Variants in DCP1A observed in about 807,000 individuals in gnomAD.
The protein encoded by DCP1A is mRNA-decapping enzyme 1A.
DCP1A carries 20 observed loss-of-function variants against 58.0 expected under a neutral mutation model. The ratio of observed to expected loss-of-function variants is 0.34; its 90% CI spans 0.24 to 0.50. The LOEUF (loss-of-function observed/expected upper bound fraction) is 0.50. Among genes scored for constraint, DCP1A ranks in the 20% least tolerant of loss-of-function variants. The pLI is 0.98. For synonymous variants in DCP1A, 285 were observed against 275.1 expected (o/e 1.04, Z -0.36); for missense variants, 613 against 712.2 (o/e 0.86, Z 1.59).
At chr3:53,322,476 T>C (rs1553690104) in intron 3 of DCP1A, among the ~76,000 whole-genome samples, 3 of 151,384 alleles carry the variant, frequency 2.0e-5, no homozygotes, top group South Asian at 2.1e-4. Context: ...ATTATATATA[T>C]ATATATGTAT....
chr3:53,326,551 C>T (rs553744231), intron 3 of DCP1A, among the ~76,000 whole-genome samples: 28 of 152,352 alleles, frequency 1.8e-4, no homozygotes, highest in African/African-American at 6.5e-4. Context: ...CAGAGCATTA[C>T]TGCCTGAGCT....
chr3:53,315,847 G>A lies in DCP1A; in HGVS notation c.372-3468C>T, dbSNP rs371762423. On this transcript the variant is annotated intron_variant, in intron 4 of 9. Coordinates refer to ENST00000610213, the MANE Select transcript of DCP1A (RefSeq NM_018403.7). ...TGGCTCACTGAAAGCTCCGCTTCCC[G>A]GGTTCACGCCATTCTTCTGCCTCAG... Among the ~76,000 whole-genome samples, 39 of 134,188 alleles carry A rather than the reference G, an allele frequency of 2.9e-4. 1 individual carries two copies. The highest frequency in any genetic ancestry group is 1.0e-3 in the African/African-American group (38 of 37,158). 88.0% of individuals were successfully genotyped at this position (134,188 alleles called of 152,430 possible).
chr3:53,336,299 G>T (rs1553691916), intron 3 of DCP1A, among the ~76,000 whole-genome samples: 1 of 152,044 alleles, frequency 6.6e-6, no homozygotes, highest in Admixed American at 6.6e-5. Context: ...TAGAGATGGG[G>T]TTTCACCATG....
intron 2 of DCP1A, among the ~76,000 whole-genome samples, chr3:53,343,443 C>A (rs2089243928): frequency 6.6e-6 from 1 of 152,204 alleles, no homozygotes; most frequent in Non-Finnish European, 1.5e-5. Flanking sequence ...ACCCACTACA[C>A]TAAATCTCCT....
At chr3:53,340,282 A>G (rs1231935493) in intron 3 of DCP1A, among the ~76,000 whole-genome samples, 26 of 152,222 alleles carry the variant, frequency 1.7e-4, no homozygotes, top group Admixed American at 1.7e-3. Context: ...TGAAATAATT[A>G]CATTGTTAAC....
In DCP1A at chr3:53,304,269, T is replaced by C. The variant is rs532211617; in HGVS notation, c.532A>G (p.Ile178Val). Residue 178 changes from isoleucine (I) to valine (V), a missense_variant, in exon 6 of 10, where the codon ATC becomes GTC. Around this residue, in one of 3 missense-constraint regions of DCP1A, gnomAD observed 498 missense variants for 556.7 expected, o/e 0.89. Transcript: ENST00000610213. ...CTTGGCTGTAACCCAGGGCTGGAGA[T>C]ATTTGAGTCACCCATCTGATTCTTT... The part of the protein sequence containing the change: ...YERNQMGDSN[I>V]SSPGLQPSTQ... 9 of 1,612,936 alleles carry C rather than the reference T, an allele frequency of 5.6e-6. No individual in the cohort carries two copies. In the South Asian group the frequency reaches 9.9e-5, roughly 18 times the overall value.
At chr3:53,296,914 TG>T (rs1707145588) in intron 6 of DCP1A, among the ~76,000 whole-genome samples, 1 of 152,228 alleles carries the variant, frequency 6.6e-6, no homozygotes, top group South Asian at 2.1e-4. Flanking sequence ...GCAGAATTGC[TG>T]GGTCATATAG....
chr3:53,337,987 A>C (rs1470018314), intron 3 of DCP1A: 1 of 280,850 alleles, frequency 3.6e-6, no homozygotes, highest in Non-Finnish European at 7.5e-6. Flanking sequence ...CTACTCTAGA[A>C]TATGGATTGA....
chr3:53,290,818 C>T lies in DCP1A; in HGVS notation c.1422G>A (p.Gln474=), dbSNP rs116594772. The change falls in exon 8 of 10, where the codon CAG becomes CAA. Residue 474 remains glutamine, a synonymous_variant. Coordinates refer to ENST00000610213, the MANE Select transcript of DCP1A (RefSeq NM_018403.7). ...GGATGGCACTGGATAACACCTTAGG[C>T]TGCACAAATACTTCAGGATCCTGGT... ...QQNQDPEVFV[Q]PKVLSSAIPV... is the part of the protein sequence containing the mutation. 6.3e-7 allele frequency: 1 copy of T among 1,590,026 alleles called. No homozygotes were observed. The highest frequency in any genetic ancestry group is 1.7e-5 in the Admixed American group (1 of 58,818).
Position 53,347,429 on chromosome 3 carries a change from G to A in DCP1A, c.89C>T (p.Thr30Met). The A allele has an allele frequency of 6.2e-7, 1 of 1,613,298 alleles. No homozygotes were observed. Among genetic ancestry groups the A allele is most frequent in the Non-Finnish European group, 8.5e-7 (1 of 1,179,538 alleles). ...GAAGGTGTACAGAGCGACCTGGCCC[G>A]TGAGGTCTGCGATGCTGGTGATATA... is the stretch of plus-strand genomic sequence containing the variant. The part of the protein sequence containing the change: ...DPYITSIADL[T>M]GQVALYTFCP... The change falls in exon 1 of 10, where the codon ACG becomes ATG. Residue 30 changes from threonine (T) to methionine (M), a missense_variant. Around this residue, in one of 3 missense-constraint regions of DCP1A, gnomAD observed 65 missense variants for 118.5 expected, o/e 0.55. Coordinates refer to ENST00000610213, the MANE Select transcript of DCP1A (RefSeq NM_018403.7).
Position 53,342,229 on chromosome 3 carries a change from T to A in DCP1A, c.219A>T (p.Leu73=). 1 of 1,604,254 alleles carries A rather than the reference T, an allele frequency of 6.2e-7. No homozygotes were observed. ...PYHGFTIVNR[L]NMHNLVEPVN... ...CTGGTTCAACTAGATTGTGCATATT[T>A]AGTCGATTCACAATGGTAAAACCAT... The change falls in exon 3 of 10, where the codon CTA becomes CTT. Residue 73 remains leucine, a synonymous_variant. Transcript: ENST00000610213.
chr3:53,342,112 T>A lies in DCP1A; in HGVS notation c.304+32A>T, dbSNP rs782325104. On this transcript the variant is annotated intron_variant, in intron 3 of 9. Transcript: ENST00000610213. ...GAAACTAAAGTCACTCAATTTTAAATGTAATAACTATAATAAAACAGATAT... is the reference window on the plus strand; with the variant it reads ...GAAACTAAAGTCACTCAATTTTAAAAGTAATAACTATAATAAAACAGATAT... 3 of 1,542,262 alleles carry A rather than the reference T, an allele frequency of 1.9e-6. No homozygotes were observed. The South Asian group carries it at 3.6e-5, about 19-fold the overall frequency.
chr3:53,316,938 A>G (rs1199723224), intron 4 of DCP1A, among the ~76,000 whole-genome samples: 1 of 152,076 alleles, frequency 6.6e-6, no homozygotes, highest in Non-Finnish European at 1.5e-5. Context: ...CTTCAGCTTC[A>G]TTTATCATTT....
chr3:53,295,292 T>G (rs1553686657), intron 6 of DCP1A, among the ~76,000 whole-genome samples: 3 of 152,204 alleles, frequency 2.0e-5, no homozygotes, highest in Non-Finnish European at 2.9e-5. Flanking sequence ...CTCCCACAGT[T>G]GTAAAAAAGT....
chr3:53,314,679 T>TTC (rs1707749077), intron 4 of DCP1A, among the ~76,000 whole-genome samples: 1 of 144,124 alleles, frequency 6.9e-6, no homozygotes, highest in African/African-American at 2.6e-5. Flanking sequence ...TTTTTTTTTT[T>TTC]TTTTTTTTTT....
intron 3 of DCP1A, among the ~76,000 whole-genome samples, chr3:53,331,366 A>T (rs1000168137): frequency 6.6e-6 from 1 of 152,238 alleles, no homozygotes; most frequent in Non-Finnish European, 1.5e-5. Flanking sequence ...GGTCAGTGAC[A>T]GACTGCATAC....
intron 3 of DCP1A, among the ~76,000 whole-genome samples, chr3:53,331,374 T>C (rs958022313): frequency 4.6e-5 from 7 of 152,228 alleles, no homozygotes; most frequent in African/African-American, 1.7e-4. Context: ...ACAGACTGCA[T>C]ACCTAACAGT....
Position 53,286,038 on chromosome 3 carries a change from T to G in DCP1A, c.*1542A>C, listed in dbSNP as rs781976360. ...GCAGAAACCCTGTCCAGGAAGCATG[T>G]TTAGATCAACAAAAGCCAATCATTC... On this transcript the variant is annotated 3_prime_UTR_variant, in exon 10 of 10. Transcript: ENST00000610213. 6.6e-6 allele frequency: 1 copy of G among 152,190 alleles called. No individual in the cohort carries two copies. Among genetic ancestry groups the G allele is most frequent in the Non-Finnish European group, 1.5e-5 (1 of 68,034 alleles). 9.4% of individuals were successfully genotyped at this position (152,190 alleles called of 1,614,324 possible).
In DCP1A at chr3:53,292,514, G is replaced by A. The variant is rs551318997; in HGVS notation, c.938C>T (p.Pro313Leu). 10 of 1,613,880 alleles carry A rather than the reference G, an allele frequency of 6.2e-6. No homozygotes were observed. Among genetic ancestry groups the A allele is most frequent in the Middle Eastern group, 1.6e-4 (1 of 6,084 alleles). Residue 313 changes from proline to leucine, a missense_variant, in exon 7 of 10, where the codon CCG becomes CTG. Coordinates refer to ENST00000610213, the MANE Select transcript of DCP1A (RefSeq NM_018403.7). ...AGTGGGACTGAGAACAGGGCTCAAC[G>A]GGATTGTGTAGGTTGGAGCATGCTT... is the stretch of plus-strand genomic sequence containing the variant. ...NEKHAPTYTI[P>L]LSPVLSPTLP...
Sources: gnomAD v4.1 joint callset for allele counts (sites outside exome capture counted in the v4.1 genomes callset) on GRCh38, gnomAD v4.1.1 for gene constraint, gnomAD v4.1.1 regional missense constraint, MANE v1.5 for transcripts, NCBI Gene and HGNC (gene_info 2026-07-23, HGNC 2026-07-21) for gene names.